The following C1orf105 variants were observed in gnomAD, a reference collection of about 807,000 sequenced individuals.
C1orf105 encodes the protein chromosome 1 open reading frame 105, also known as uncharacterized protein C1orf105.
A neutral mutation model predicts 20.8 loss-of-function variants in C1orf105; 17 were observed. That is an observed-to-expected ratio of 0.82 (90% CI 0.56 to 1.23). The LOEUF (loss-of-function observed/expected upper bound fraction) is 1.23, where lower values mean the gene tolerates loss of function less well. Ranked by LOEUF, C1orf105 falls within the 50% of genes most tolerant of loss-of-function variation. The probability of loss-of-function intolerance (pLI) is 0.00; values close to 1 mark genes in which losing one functional copy is unlikely to be tolerated. For missense variants in C1orf105, 219 were observed against 213.5 expected (o/e 1.03, Z -0.16); for synonymous variants, 72 against 72.1 (o/e 1.00, Z 0.01).
intron 2 of C1orf105, among the ~76,000 whole-genome samples, chr1:172,445,660 TC>T (rs1246886415): frequency 6.6e-6 from 1 of 152,158 alleles, no homozygotes; most frequent in Non-Finnish European, 1.5e-5. Context: ...GAATTACATA[TC>T]TAGGGAGCAT....
At position 172,444,020 on chromosome 1, in the gene C1orf105, C is replaced by G; in HGVS notation, c.22-1053C>G. Reference sequence around the variant, plus strand: ...TTCCTAGGGTTGCGCAGCTGGGGGACGGCGGCACCCAGCCTTTTTCCCGCT... The same window carrying G: ...TTCCTAGGGTTGCGCAGCTGGGGGAGGGCGGCACCCAGCCTTTTTCCCGCT... On this transcript the variant is annotated intron_variant, in intron 1 of 6. Coordinates refer to ENST00000367727, the MANE Select transcript of C1orf105 (RefSeq NM_139240.4). 4 of 1,000,108 alleles carry G rather than the reference C, an allele frequency of 4.0e-6. No individual in the cohort carries two copies. The African/African-American group carries it at 7.0e-5, about 17-fold the overall frequency. 62.0% of individuals were successfully genotyped at this position (1,000,108 alleles called of 1,614,324 possible). A position where few individuals can be genotyped will look rare whatever the true frequency, so the allele number is the denominator to read the frequency against.
At chr1:172,468,367 T>C in intron 6 of C1orf105, 82 bp from the exon 7 acceptor site, 2 of 1,097,538 alleles carry the variant, frequency 1.8e-6, no homozygotes, top group Non-Finnish European at 2.5e-6. Flanking sequence ...AAGTCTTTGT[T>C]GGCCTGTGGT....
chr1:172,461,199 T>C (rs1480313365), intron 4 of C1orf105, among the ~76,000 whole-genome samples: 1 of 152,200 alleles, frequency 6.6e-6, no homozygotes, highest in African/African-American at 2.4e-5. Context: ...CTCCCATCCT[T>C]TCTTCAGCTA....
chr1:172,459,588 C>T (rs1649549562), intron 4 of C1orf105, among the ~76,000 whole-genome samples: 1 of 152,050 alleles, frequency 6.6e-6, no homozygotes, highest in African/African-American at 2.4e-5. Context: ...TTAGAAGCCT[C>T]AAAAATTGCT....
chr1:172,453,389 G>A (rs771640802), intron 3 of C1orf105, among the ~76,000 whole-genome samples: 9 of 152,198 alleles, frequency 5.9e-5, no homozygotes, highest in South Asian at 4.1e-4. Flanking sequence ...CTTTTTGGGC[G>A]TCTAGCCAGT....
intron 3 of C1orf105, chr1:172,450,998 A>T (rs983578290): frequency 1.6e-4 from 25 of 152,260 alleles, no homozygotes; most frequent in African/African-American, 6.0e-4. Flanking sequence ...TTCTCCTGCC[A>T]TTTGCAGGCA....
At chr1:172,449,403 A>G (rs1387193855) in intron 3 of C1orf105, among the ~76,000 whole-genome samples, 1 of 152,016 alleles carries the variant, frequency 6.6e-6, no homozygotes, top group Non-Finnish European at 1.5e-5. Context: ...AGCAGAGTGG[A>G]AGTGAGGGAA....
rs1008091465 is a variant in C1orf105, at chr1:172,456,417, C to T, written c.201C>T (p.Ala67=). 1 of 1,612,622 alleles carries T rather than the reference C, an allele frequency of 6.2e-7. No homozygotes were observed. The highest frequency in any genetic ancestry group is 1.3e-5 in the African/African-American group (1 of 74,916). ...LFQVPDVLSK[A]RRNQCDSMLL... Reference sequence around the variant, plus strand: ...TCTCTGTCTCTCTTTCCCCTCAGGCCAGGAGGAACCAGTGTGACTCCATGC... The same window carrying T: ...TCTCTGTCTCTCTTTCCCCTCAGGCTAGGAGGAACCAGTGTGACTCCATGC... The change falls in exon 4 of 7, where the codon GCC becomes GCT. Residue 67 remains alanine (A), a splice_region_variant and synonymous_variant. Transcript: ENST00000367727.
At chr1:172,442,902 C>A (rs893025190) in intron 1 of C1orf105, 1 of 331,810 alleles carries the variant, frequency 3.0e-6, no homozygotes, top group African/African-American at 2.1e-5. Context: ...AAAGTCAAAT[C>A]AACTCAGTTT....
chr1:172,435,853 T>C (rs1258809047), intron 1 of C1orf105, among the ~76,000 whole-genome samples: 3 of 152,224 alleles, frequency 2.0e-5, no homozygotes, highest in Non-Finnish European at 4.4e-5. Flanking sequence ...AACCCCATCA[T>C]CTCAGCCCAA....
intron 1 of C1orf105, among the ~76,000 whole-genome samples, chr1:172,439,698 C>T (rs1176056385): frequency 1.3e-5 from 2 of 152,020 alleles, no homozygotes; most frequent in South Asian, 2.1e-4. Flanking sequence ...CCAATATGCA[C>T]GTTTGCTACC....
At chr1:172,429,221 TATACAC>T (rs1292632550) in intron 1 of C1orf105, among the ~76,000 whole-genome samples, 104 of 62,840 alleles carry the variant, frequency 1.7e-3, no homozygotes, top group African/African-American at 6.4e-3. Context: ...TAAATACAAA[TATACAC>T]ACACACACAC....
intron 6 of C1orf105, chr1:172,465,688 G>A (rs748532097): frequency 5.1e-5 from 25 of 488,442 alleles, no homozygotes; most frequent in South Asian, 3.7e-4. Flanking sequence ...TGGCAGTCCT[G>A]ATGGTATCAA....
chr1:172,454,831 C>A (rs535190122), intron 3 of C1orf105, among the ~76,000 whole-genome samples: 1 of 152,284 alleles, frequency 6.6e-6, no homozygotes. Context: ...CATCATACTT[C>A]TTGATGTATA....
intron 1 of C1orf105, chr1:172,443,703 C>G (rs545163472): frequency 6.0e-6 from 1 of 167,176 alleles, no homozygotes; most frequent in Non-Finnish European, 1.5e-5. Flanking sequence ...ACACCGTTAC[C>G]CCCTCTGCAG....
intron 2 of C1orf105, among the ~76,000 whole-genome samples, chr1:172,445,912 C>T (rs773940573): frequency 1.3e-5 from 2 of 152,250 alleles, no homozygotes; most frequent in South Asian, 2.1e-4. Context: ...CCTTGGCATT[C>T]GAAACAGCTC....
rs751979716 is a variant in C1orf105, at chr1:172,468,603, A to C, written c.*9A>C. 87 of 1,611,620 alleles carry C rather than the reference A, an allele frequency of 5.4e-5. No individual in the cohort carries two copies. Among genetic ancestry groups the C allele is most frequent in the Non-Finnish European group, 7.1e-5 (84 of 1,178,516 alleles). ...AGACAACGAGGCAGTGAGCGGTAGGAGCTCATCACCTCCCAGACTCCCAGA... is the reference window on the plus strand; with the variant it reads ...AGACAACGAGGCAGTGAGCGGTAGGCGCTCATCACCTCCCAGACTCCCAGA... On this transcript the variant is annotated 3_prime_UTR_variant, in exon 7 of 7. Coordinates refer to ENST00000367727, the MANE Select transcript of C1orf105 (RefSeq NM_139240.4).
At position 172,453,116 on chromosome 1, in the gene C1orf105, C is replaced by T. The variant is rs1317518041; in HGVS notation, c.199-3299C>T. 7 of 1,550,976 alleles carry T rather than the reference C, an allele frequency of 4.5e-6. No individual in the cohort carries two copies. In the East Asian group the frequency reaches 1.5e-4, roughly 32 times the overall value. ...AGCTGCCTTCCACGACTCTTCAATGCCCTCATCCCTTCTCCAGATAGAAAT... is the reference window on the plus strand; with the variant it reads ...AGCTGCCTTCCACGACTCTTCAATGTCCTCATCCCTTCTCCAGATAGAAAT... On this transcript the variant is annotated intron_variant, in intron 3 of 6. Transcript: ENST00000367727.
At chr1:172,428,971 T>A in intron 1 of C1orf105, 1 of 553,504 alleles carries the variant, frequency 1.8e-6, no homozygotes. Context: ...TGTTGGATAC[T>A]GGGGGAAGAG....
Sources: gnomAD v4.1 joint callset for allele counts (sites outside exome capture counted in the v4.1 genomes callset) on GRCh38, gnomAD v4.1.1 for gene constraint, MANE v1.5 for transcripts, NCBI Gene and HGNC (gene_info 2026-07-23, HGNC 2026-07-21) for gene names.